SRPX: variants seen among roughly 807,000 people sequenced by gnomAD.
SRPX encodes the protein sushi repeat-containing protein SRPX.
In SRPX, 24 loss-of-function variants were observed where a neutral mutation model predicts 38.1. That is an observed-to-expected ratio of 0.63 (90% CI 0.46 to 0.89). The LOEUF (loss-of-function observed/expected upper bound fraction) is 0.89. SRPX is among the 40% of genes least tolerant of loss of function. The pLI, the probability that SRPX is intolerant of heterozygous loss-of-function variation, is 0.00. For synonymous variants in SRPX, 184 were observed against 153.8 expected, an observed-to-expected ratio of 1.20 and a Z score of -1.45; for missense variants, 416 against 377.8, an observed-to-expected ratio of 1.10 and a Z score of -0.84.
intron 1 of SRPX, among the ~76,000 whole-genome samples, chrX:38,189,041 T>C (rs1010761722): frequency 8.1e-5 from 9 of 111,437 alleles, no homozygotes; most frequent in African/African-American, 2.6e-4. Flanking sequence ...TTATATCCCA[T>C]GAAACAGCAA....
chrX:38,195,237 C>A (rs894547789), intron 1 of SRPX, among the ~76,000 whole-genome samples: 4 of 110,765 alleles, frequency 3.6e-5, no homozygotes, highest in African/African-American at 9.9e-5. Context: ...ATGATAAATA[C>A]AAAATTTAGG....
chrX:38,160,082 T>TA lies in SRPX; in HGVS notation c.889_890insT (p.Gln297LeufsTer3). ...TTGACATACTCGGGCAGGGCTACCCTGGAGCTCATAGCCGCCGATGCAGGA... is the reference window on the plus strand; with the variant it reads ...TTGACATACTCGGGCAGGGCTACCCTAGGAGCTCATAGCCGCCGATGCAGGA... On this transcript the variant is annotated frameshift_variant, in exon 7 of 10. Coordinates refer to ENST00000378533, the MANE Select transcript of SRPX (RefSeq NM_006307.5). LOFTEE classifies it high-confidence loss of function. The TA allele has an allele frequency of 8.3e-7, 1 of 1,211,639 alleles. No homozygotes were observed. Among genetic ancestry groups the TA allele is most frequent in the African/African-American group, 1.7e-5 (1 of 57,899 alleles).
chrX:38,175,668 C>T (rs1170059850), intron 2 of SRPX, among the ~76,000 whole-genome samples: 1 of 111,373 alleles, frequency 9.0e-6, no homozygotes, highest in African/African-American at 3.3e-5. Context: ...CAGGCACGCA[C>T]CACCGTCCCT....
chrX:38,194,398 T>A lies in SRPX; in HGVS notation c.98-16054A>T, dbSNP rs182245329. On this transcript the variant is annotated intron_variant, in intron 1 of 9. Transcript: ENST00000378533. ...TAACAAGATCAAGTGTTAACAAGGA[T>A]GTTGAGCAATGGAAATACACATTGG... Among the ~76,000 whole-genome samples, 94 of 112,497 alleles carry A rather than the reference T, an allele frequency of 8.4e-4. 1 individual carries two copies. Among genetic ancestry groups the A allele is most frequent in the African/African-American group, 2.8e-3 (87 of 31,024 alleles).
intron 4 of SRPX, among the ~76,000 whole-genome samples, chrX:38,167,588 G>A (rs1326976731): frequency 8.9e-6 from 1 of 112,206 alleles, no homozygotes; most frequent in Non-Finnish European, 1.9e-5. Context: ...TAGGATGCCT[G>A]CAATTATATA....
At chrX:38,199,426 T>TA (rs1269719742) in intron 1 of SRPX, among the ~76,000 whole-genome samples, 7 of 107,970 alleles carry the variant, frequency 6.5e-5, no homozygotes, top group East Asian at 2.9e-4. Context: ...TAATAATAAT[T>TA]AAAAAAAATA....
At chrX:38,183,888 A>G (rs1448416487) in intron 1 of SRPX, among the ~76,000 whole-genome samples, 2 of 111,679 alleles carry the variant, frequency 1.8e-5, no homozygotes, top group Non-Finnish European at 3.8e-5. Context: ...CCTGGAGCCA[A>G]CTGCATTTAT....
At chrX:38,188,369 C>T (rs972258783) in intron 1 of SRPX, among the ~76,000 whole-genome samples, 1 of 112,084 alleles carries the variant, frequency 8.9e-6, no homozygotes, top group African/African-American at 3.2e-5. Context: ...TCATAAGTGC[C>T]TCAGCGATAC....
chrX:38,154,623 G>T (rs1475327684), intron 8 of SRPX, 40 bp from the exon 9 acceptor site: 2 of 1,198,266 alleles, frequency 1.7e-6, no homozygotes, highest in Non-Finnish European at 2.2e-6. Flanking sequence ...TATGAGCATG[G>T]CTAAAAAAGA....
intron 1 of SRPX, among the ~76,000 whole-genome samples, chrX:38,195,949 G>T (rs753949305): frequency 2.4e-4 from 27 of 111,887 alleles, no homozygotes; most frequent in Non-Finnish European, 4.3e-4. Flanking sequence ...ATAAAGGATG[G>T]ACGTGAAATT....
rs768067806 is a variant in SRPX, at chrX:38,180,281, C to T, written c.98-1937G>A. On this transcript the variant is annotated intron_variant, in intron 1 of 9. Transcript: ENST00000378533. ...ATTCATTTCATGAAGCTCTCTTCTG[C>T]AGTGGCTTCCAAATGACAACAGTTT... Among the ~76,000 whole-genome samples the T allele has an allele frequency of 6.3e-5, 7 of 111,760 alleles. No homozygotes were observed. In the South Asian group the frequency reaches 2.7e-3, roughly 43 times the overall value.
chrX:38,175,362 G>A (rs1231042716), intron 2 of SRPX, among the ~76,000 whole-genome samples: 1 of 111,756 alleles, frequency 8.9e-6, no homozygotes, highest in Non-Finnish European at 1.9e-5. Flanking sequence ...TGGCCAGGAA[G>A]GAGGACAGAC....
intron 1 of SRPX, among the ~76,000 whole-genome samples, chrX:38,188,327 T>G (rs1938826510): frequency 8.9e-6 from 1 of 112,118 alleles, no homozygotes; most frequent in Admixed American, 9.5e-5. Context: ...ATATCAGACA[T>G]TCAGCTTACC....
At chrX:38,172,360 G>A (rs756733305) in intron 3 of SRPX, among the ~76,000 whole-genome samples, 12 of 113,123 alleles carry the variant, frequency 1.1e-4, no homozygotes, top group African/African-American at 3.8e-4. Flanking sequence ...GGCTACGGCA[G>A]GAGGATCGCT....
At chrX:38,206,931 C>T (rs1237509494) in intron 1 of SRPX, among the ~76,000 whole-genome samples, 1 of 111,873 alleles carries the variant, frequency 8.9e-6, no homozygotes, top group African/African-American at 3.3e-5. Flanking sequence ...GAGAATGATC[C>T]CTGCCAGACA....
chrX:38,161,074 A>G lies in SRPX; in HGVS notation c.654-20T>C, dbSNP rs752696225. The G allele has an allele frequency of 2.5e-6, 3 of 1,206,845 alleles. No homozygotes were observed. Among genetic ancestry groups the G allele is most frequent in the Non-Finnish European group, 3.4e-6 (3 of 893,726 alleles). The stretch of plus-strand genomic sequence containing the variant: ...ATGACACTTAGAGAAAAAAAATCAG[A>G]AACAGGAAAGATGACATTATGGACC... On this transcript the variant is annotated intron_variant, in intron 5 of 9. Coordinates refer to ENST00000378533, the MANE Select transcript of SRPX (RefSeq NM_006307.5).
chrX:38,203,144 A>G (rs1939144467), intron 1 of SRPX, among the ~76,000 whole-genome samples: 1 of 111,961 alleles, frequency 8.9e-6, no homozygotes, highest in Admixed American at 9.5e-5. Flanking sequence ...TAATCAATGC[A>G]ACCCATGACA....
At chrX:38,168,866 A>G (rs1373659392) in intron 4 of SRPX, among the ~76,000 whole-genome samples, 1 of 112,109 alleles carries the variant, frequency 8.9e-6, no homozygotes, top group Non-Finnish European at 1.9e-5. Flanking sequence ...AAAAGTCATG[A>G]TCATAGCCGG....
chrX:38,177,125 C>A (rs1938579815), intron 2 of SRPX, among the ~76,000 whole-genome samples: 2 of 110,926 alleles, frequency 1.8e-5, no homozygotes, highest in Non-Finnish European at 1.9e-5. Context: ...GATTTTTCAA[C>A]AAGGGACTCA....
Sources: allele counts gnomAD v4.1 joint callset (sites outside exome capture counted in the v4.1 genomes callset), GRCh38; gene constraint gnomAD v4.1.1; transcripts MANE v1.5; gene names NCBI Gene and HGNC (gene_info 2026-07-23, HGNC 2026-07-21).